Variants in DMBT1 observed in about 807,000 individuals in gnomAD.
DMBT1 encodes the protein deleted in malignant brain tumors 1.
DMBT1 carries 198 observed loss-of-function variants against 252.9 expected under a neutral mutation model. The observed-to-expected ratio is 0.78, with a 90% CI of 0.70 to 0.88. The LOEUF is 0.88. Among genes scored for constraint, DMBT1 ranks in the 40% least tolerant of loss-of-function variants. DMBT1 has a pLI of 0.00. For missense variants in DMBT1, 2,432 were observed against 2,404.7 expected (o/e 1.01, Z -0.24); for synonymous variants, 990 against 942.7 (o/e 1.05, Z -0.92).
chr10:122,631,892 T>C lies in DMBT1; in HGVS notation c.6367+17T>C, dbSNP rs2098168180. The C allele has an allele frequency of 6.2e-7, 1 of 1,613,454 alleles. No homozygotes were observed. Among genetic ancestry groups the C allele is most frequent in the Non-Finnish European group, 8.5e-7 (1 of 1,179,458 alleles). ...CGACACCTGGTAAGTCCCTCCGATT[T>C]CCATTCCACTTCCCTGGTCTCCAGG... On this transcript the variant is annotated intron_variant, in intron 50 of 55. Transcript: ENST00000338354.
chr10:122,631,054 G>C lies in DMBT1; in HGVS notation c.6119G>C (p.Cys2040Ser). The part of the protein sequence containing the change: ...IYHGGTWGTV[C>S]DDSWTIQEAE... ...CATGGTGGCACCTGGGGGACAGTTT[G>C]TGATGACTCCTGGACCATTCAGGAA... Residue 2040 changes from cysteine to serine, a missense_variant, in exon 49 of 56, where the codon TGT becomes TCT. By Grantham distance (112) the Cys-to-Ser change is moderately radical. Coordinates refer to ENST00000338354, the MANE Select transcript of DMBT1 (RefSeq NM_001377530.1). The C allele has an allele frequency of 6.2e-7, 1 of 1,613,982 alleles. No homozygotes were observed.
Position 122,621,171 on chromosome 10 carries a change from C to A in DMBT1, c.5399C>A (p.Thr1800Asn), listed in dbSNP as rs757865614. 2 of 1,613,874 alleles carry A rather than the reference C, an allele frequency of 1.2e-6. No individual in the cohort carries two copies. The highest frequency in any genetic ancestry group is 1.7e-6 in the Non-Finnish European group (2 of 1,179,818). ...WGTVCDDSWD[T>N]NDANVVCRQL... Reference sequence around the variant, plus strand: ...ACCGTGTGTGATGACAGCTGGGACACCAATGATGCCAATGTGGTCTGCAGG... The same window carrying A: ...ACCGTGTGTGATGACAGCTGGGACAACAATGATGCCAATGTGGTCTGCAGG... The change falls in exon 44 of 56, where the codon ACC (threonine) becomes AAC (asparagine). Residue 1800 changes from threonine to asparagine, a missense_variant. Thr to Asn is a moderately conservative substitution (Grantham distance 65). Coordinates refer to ENST00000338354, the MANE Select transcript of DMBT1 (RefSeq NM_001377530.1).
At position 122,598,835 on chromosome 10, in the gene DMBT1, G is replaced by T; in HGVS notation, c.3018G>T (p.Val1006=). ...GAGGTGACAGGTGTCAGGGCCGAGTGGAGGTCCTATACCAAGGCTCCTGGG... is the reference window on the plus strand; with the variant it reads ...GAGGTGACAGGTGTCAGGGCCGAGTTGAGGTCCTATACCAAGGCTCCTGGG... ...VNGGDRCQGR[V]EVLYQGSWGT... Residue 1006 remains valine (V), a synonymous_variant, in exon 26 of 56, where the codon GTG becomes GTT. Coordinates refer to ENST00000338354, the MANE Select transcript of DMBT1 (RefSeq NM_001377530.1). 6.2e-7 allele frequency: 1 copy of T among 1,613,700 alleles called. No individual in the cohort carries two copies. The highest frequency in any genetic ancestry group is 2.2e-5 in the East Asian group (1 of 44,860).
intron 13 of DMBT1, 38 bp from the exon 14 acceptor site, chr10:122,584,284 T>C (rs1284671707): frequency 6.5e-6 from 3 of 461,028 alleles, no homozygotes; most frequent in Middle Eastern, 4.9e-4. Context: ...TGCCAGCTTC[T>C]GTATAGTGCA....
intron 46 of DMBT1, among the ~76,000 whole-genome samples, chr10:122,628,979 A>C (rs954147876): frequency 2.6e-4 from 40 of 152,178 alleles, no homozygotes; most frequent in African/African-American, 9.7e-4. Flanking sequence ...AGAGTTATGA[A>C]AAAGAAAAAA....
intron 26 of DMBT1, among the ~76,000 whole-genome samples, chr10:122,599,827 G>A (rs899717794): frequency 1.3e-5 from 2 of 151,894 alleles, no homozygotes; most frequent in Admixed American, 6.5e-5. Context: ...TAGGCCAACC[G>A]GGTTACCCTG....
intron 52 of DMBT1, among the ~76,000 whole-genome samples, chr10:122,634,471 TC>T (rs2098208266): frequency 7.1e-6 from 1 of 141,252 alleles, no homozygotes; most frequent in Non-Finnish European, 1.5e-5. Flanking sequence ...TCTCTCTCTC[TC>T]TCTCTCTCTT....
Position 122,621,282 on chromosome 10 carries a change from G to A in DMBT1, c.5510G>A (p.Arg1837His), listed in dbSNP as rs748198152. The A allele has an allele frequency of 6.2e-6, 10 of 1,613,696 alleles. No individual in the cohort carries two copies. In the South Asian group the frequency reaches 6.6e-5, roughly 11 times the overall value. ...GGACCCATTGTCCTGGATGATGTGCGCTGCTCAGGGAATGAGTCCTACCTG... is the reference window on the plus strand; with the variant it reads ...GGACCCATTGTCCTGGATGATGTGCACTGCTCAGGGAATGAGTCCTACCTG... ...GSGPIVLDDV[R>H]CSGNESYLWS... The change falls in exon 44 of 56, where the codon CGC becomes CAC. Residue 1837 changes from arginine (R) to histidine (H), a missense_variant. Physicochemically the swap from Arg to His is conservative, Grantham distance 29. Coordinates refer to ENST00000338354, the MANE Select transcript of DMBT1 (RefSeq NM_001377530.1).
intron 52 of DMBT1, among the ~76,000 whole-genome samples, chr10:122,634,411 TTCTC>T (rs769891803): frequency 1.0e-5 from 1 of 99,874 alleles, no homozygotes; most frequent in Non-Finnish European, 2.0e-5. Context: ...TTTTCTTTCT[TTCTC>T]TCTCTCTCTC....
chr10:122,622,036 G>A (rs908807784), intron 44 of DMBT1, among the ~76,000 whole-genome samples: 21 of 152,214 alleles, frequency 1.4e-4, no homozygotes, highest in African/African-American at 4.6e-4. Flanking sequence ...TTTTGCTGGA[G>A]TGGTATCCTG....
At position 122,617,924 on chromosome 10, in the gene DMBT1, C is replaced by G. The variant is rs995271225; in HGVS notation, c.4892-93C>G. ...ATTGTGACTGCTTGCCCAGGTGACT[C>G]TGGCCATTAGGAAGTACCCTGAGTG... On this transcript the variant is annotated intron_variant, in intron 40 of 55. Coordinates refer to ENST00000338354, the MANE Select transcript of DMBT1 (RefSeq NM_001377530.1). The G allele has an allele frequency of 4.5e-6, 7 of 1,572,536 alleles. No homozygotes were observed. The African/African-American group carries it at 5.4e-5, about 12-fold the overall frequency.
chr10:122,594,215 A>G (rs1359630860), intron 21 of DMBT1, among the ~76,000 whole-genome samples: 1 of 140,114 alleles, frequency 7.1e-6, no homozygotes, highest in African/African-American at 2.5e-5. Flanking sequence ...TAGTCAGTCC[A>G]TGCATCAGCA....
At chr10:122,634,923 T>C (rs1458048111) in intron 52 of DMBT1, among the ~76,000 whole-genome samples, 1 of 152,246 alleles carries the variant, frequency 6.6e-6, no homozygotes, top group Non-Finnish European at 1.5e-5. Context: ...CAGCCACTGT[T>C]GAACAAAATA....
chr10:122,643,365 G>C lies in DMBT1; in HGVS notation c.7596G>C (p.Gln2532His), dbSNP rs1456479693. 1 of 1,613,858 alleles carries C rather than the reference G, an allele frequency of 6.2e-7. No individual in the cohort carries two copies. Among genetic ancestry groups the C allele is most frequent in the Non-Finnish European group, 8.5e-7 (1 of 1,179,836 alleles). The part of the protein sequence containing the change: ...VDVVLGPIQL[Q>H]TPPRREEEPR ...TCGTCCTGGGTCCCATCCAGCTGCA[G>C]ACCCCCCCACGCCGAGAAGAGGAGC... The change falls in exon 56 of 56, where the codon CAG (glutamine) becomes CAC (histidine). Residue 2532 changes from glutamine to histidine, a missense_variant. Physicochemically the swap from Gln to His is conservative, Grantham distance 24. Transcript: ENST00000338354.
intron 44 of DMBT1, among the ~76,000 whole-genome samples, chr10:122,622,348 T>C (rs535600593): frequency 6.6e-6 from 1 of 152,202 alleles, no homozygotes. Context: ...ATGCTTTTGT[T>C]TGCACATGGC....
intron 46 of DMBT1, among the ~76,000 whole-genome samples, chr10:122,628,219 GA>G (rs1379856754): frequency 2.0e-5 from 3 of 152,240 alleles, no homozygotes; most frequent in Non-Finnish European, 4.4e-5. Flanking sequence ...ACTTGTATGT[GA>G]ATGTTCAGGA....
At chr10:122,600,775 G>A (rs2097944721) in intron 27 of DMBT1, among the ~76,000 whole-genome samples, 2 of 152,176 alleles carry the variant, frequency 1.3e-5, no homozygotes, top group South Asian at 4.2e-4. Flanking sequence ...GATACCCCAG[G>A]ATTAGAGAAA....
At chr10:122,573,482 A>G (rs1591197767) in intron 5 of DMBT1, among the ~76,000 whole-genome samples, 2 of 152,326 alleles carry the variant, frequency 1.3e-5, no homozygotes, top group East Asian at 3.9e-4. Context: ...AGGCTGTGGC[A>G]GCAGAGGACA....
At chr10:122,580,614 G>T (rs2097760046) in intron 10 of DMBT1, among the ~76,000 whole-genome samples, 1 of 152,068 alleles carries the variant, frequency 6.6e-6, no homozygotes, top group Admixed American at 6.5e-5. Flanking sequence ...GGAGTGGGTT[G>T]GTTTAGGTCA....
Sources: allele counts gnomAD v4.1 joint callset (sites outside exome capture counted in the v4.1 genomes callset), GRCh38; gene constraint gnomAD v4.1.1; transcripts MANE v1.5; gene names NCBI Gene and HGNC (gene_info 2026-07-23, HGNC 2026-07-21).